The following ADAMTS12 variants were observed in gnomAD, a reference collection of about 807,000 sequenced individuals.
ADAMTS12 encodes A disintegrin and metalloproteinase with thrombospondin motifs 12.
ADAMTS12 carries 118 observed loss-of-function variants against 167.8 expected under a neutral mutation model. The ratio of observed to expected loss-of-function variants is 0.70; its 90% confidence interval spans 0.61 to 0.82. ADAMTS12 has a LOEUF of 0.82. Ranked by LOEUF, ADAMTS12 falls within the 40% of genes least tolerant of loss-of-function variation. The pLI is 0.00. For missense variants in ADAMTS12, 1,916 were observed against 1,998.8 expected (o/e 0.96, Z 0.79); for synonymous variants, 704 against 716.9 (o/e 0.98, Z 0.29).
intron 2 of ADAMTS12, among the ~76,000 whole-genome samples, chr5:33,818,079 ATATC>A (rs1747730676): frequency 6.6e-6 from 1 of 152,140 alleles, no homozygotes; most frequent in South Asian, 2.1e-4. Context: ...GCAGTTTAAC[ATATC>A]TATCATCTCA....
intron 3 of ADAMTS12, among the ~76,000 whole-genome samples, chr5:33,700,456 T>C (rs1313721582): frequency 6.6e-6 from 1 of 152,188 alleles, no homozygotes; most frequent in East Asian, 1.9e-4. Context: ...ATTCCATTGG[T>C]ATAACATTTT....
rs573462827 is a variant in ADAMTS12 at position 33,841,130 on chromosome 5, C to T, written c.489+39989G>A. Reference sequence around the variant, plus strand: ...CACAGTCTCCTGGCTGGATTCTCTCCCTGAACCCCAGACTGTTCAATCAGG... The same window carrying T: ...CACAGTCTCCTGGCTGGATTCTCTCTCTGAACCCCAGACTGTTCAATCAGG... On this transcript the variant is annotated intron_variant, in intron 2 of 23. Transcript: ENST00000504830. Among the ~76,000 whole-genome samples the T allele has an allele frequency of 5.3e-5, 8 of 152,262 alleles. No individual in the cohort carries two copies. The South Asian group carries it at 1.7e-3, about 32-fold the overall frequency.
chr5:33,650,229 AT>A (rs1198252752), intron 7 of ADAMTS12, among the ~76,000 whole-genome samples: 3 of 152,172 alleles, frequency 2.0e-5, no homozygotes, highest in African/African-American at 7.2e-5. Context: ...TAACAGCAGG[AT>A]TTTTAAGACA....
chr5:33,821,262 C>T (rs1361477420), intron 2 of ADAMTS12, among the ~76,000 whole-genome samples: 1 of 152,096 alleles, frequency 6.6e-6, no homozygotes, highest in African/African-American at 2.4e-5. Flanking sequence ...TCATGTATTG[C>T]TTTTCATATT....
chr5:33,589,847 A>G (rs538370235), intron 17 of ADAMTS12, among the ~76,000 whole-genome samples: 1 of 152,194 alleles, frequency 6.6e-6, no homozygotes, highest in Non-Finnish European at 1.5e-5. Flanking sequence ...AAAACTTTTT[A>G]CTTTTATTTT....
intron 2 of ADAMTS12, among the ~76,000 whole-genome samples, chr5:33,830,735 T>A (rs1242407395): frequency 6.6e-6 from 1 of 152,058 alleles, no homozygotes; most frequent in African/African-American, 2.4e-5. Flanking sequence ...AAGGCTGCAG[T>A]GAGCCATGAT....
intron 16 of ADAMTS12, among the ~76,000 whole-genome samples, chr5:33,610,048 G>A (rs914488076): frequency 6.6e-6 from 1 of 151,942 alleles, no homozygotes; most frequent in African/African-American, 2.4e-5. Context: ...GCATGGTGGC[G>A]CATGCCTGTA....
At chr5:33,715,845 G>T (rs1361161882) in intron 3 of ADAMTS12, among the ~76,000 whole-genome samples, 1 of 152,092 alleles carries the variant, frequency 6.6e-6, no homozygotes, top group Non-Finnish European at 1.5e-5. Context: ...TGTAACCTTT[G>T]TTGTCAGGCC....
At chr5:33,565,922 A>G (rs1265488276) in intron 19 of ADAMTS12, among the ~76,000 whole-genome samples, 1 of 152,202 alleles carries the variant, frequency 6.6e-6, no homozygotes. Flanking sequence ...ATTAACATGT[A>G]TTAAATATTC....
At chr5:33,609,140 T>C (rs1309027418) in intron 16 of ADAMTS12, among the ~76,000 whole-genome samples, 1 of 152,146 alleles carries the variant, frequency 6.6e-6, no homozygotes, top group Non-Finnish European at 1.5e-5. Flanking sequence ...ATAAATGTGG[T>C]TGGAATAATT....
rs145615899 is a variant in ADAMTS12, at chr5:33,526,196, A to G, written c.*992T>C. ...TGGAACCTCCATTTTCCAACCTGAG[A>G]AGAGGTGAGGACAGGTGGCAGCCCT... On this transcript the variant is annotated 3_prime_UTR_variant, in exon 24 of 24. Transcript: ENST00000504830. 35 of 152,280 alleles carry G rather than the reference A, an allele frequency of 2.3e-4. No individual in the cohort carries two copies. The highest frequency in any genetic ancestry group is 7.9e-4 in the African/African-American group (33 of 41,544). 9.4% of individuals were successfully genotyped at this position (152,280 alleles called of 1,614,324 possible).
At chr5:33,715,200 A>T (rs1166611136) in intron 3 of ADAMTS12, among the ~76,000 whole-genome samples, 1 of 151,978 alleles carries the variant, frequency 6.6e-6, no homozygotes, top group East Asian at 1.9e-4. Flanking sequence ...GTTAAATTTC[A>T]TTTCATTCAA....
intron 2 of ADAMTS12, among the ~76,000 whole-genome samples, chr5:33,828,888 T>C (rs1332381343): frequency 6.6e-6 from 1 of 152,162 alleles, no homozygotes; most frequent in Non-Finnish European, 1.5e-5. Context: ...AACATCCTCT[T>C]TCGCCCCTGT....
At chr5:33,850,087 T>G (rs952418005) in intron 2 of ADAMTS12, among the ~76,000 whole-genome samples, 2 of 152,024 alleles carry the variant, frequency 1.3e-5, no homozygotes, top group African/African-American at 4.8e-5. Context: ...CTCACGGAGA[T>G]TTTCACTCTC....
At chr5:33,806,797 T>C (rs972440306) in intron 2 of ADAMTS12, among the ~76,000 whole-genome samples, 4 of 152,208 alleles carry the variant, frequency 2.6e-5, no homozygotes, top group Non-Finnish European at 5.9e-5. Flanking sequence ...ACGCATCCTA[T>C]TTATCCTGTT....
chr5:33,764,532 T>C (rs752876277), intron 2 of ADAMTS12, among the ~76,000 whole-genome samples: 1 of 152,194 alleles, frequency 6.6e-6, no homozygotes, highest in Non-Finnish European at 1.5e-5. Flanking sequence ...AACTGAACAT[T>C]GAGAGTCCAG....
At chr5:33,561,304 A>C in intron 19 of ADAMTS12, 125 bp from the exon 20 acceptor site, 1 of 1,219,448 alleles carries the variant, frequency 8.2e-7, no homozygotes, top group Non-Finnish European at 1.1e-6. Flanking sequence ...GCTTTTTAAA[A>C]ATTACCAACA....
intron 12 of ADAMTS12, among the ~76,000 whole-genome samples, 172 bp from the exon 13 acceptor site, chr5:33,631,085 A>G (rs1196916818): frequency 6.6e-6 from 1 of 152,170 alleles, no homozygotes; most frequent in Non-Finnish European, 1.5e-5. Context: ...TCACACATCC[A>G]GGTGCTGAAT....
At chr5:33,736,372 T>C (rs1579889367) in intron 3 of ADAMTS12, among the ~76,000 whole-genome samples, 2 of 152,306 alleles carry the variant, frequency 1.3e-5, no homozygotes, top group African/African-American at 4.8e-5. Context: ...CTGTAGTTTG[T>C]TTTTAAAACA....
Sources: allele counts gnomAD v4.1 joint callset (sites outside exome capture counted in the v4.1 genomes callset), GRCh38; gene constraint gnomAD v4.1.1; transcripts MANE v1.5; gene names NCBI Gene and HGNC (gene_info 2026-07-23, HGNC 2026-07-21).